GPC6: variants seen among roughly 807,000 people sequenced by gnomAD.
GPC6 encodes the protein glypican-6.
Under a neutral mutation model 55.2 loss-of-function variants are expected in GPC6, and 14 were observed. The observed-to-expected ratio is 0.25, with a 90% CI of 0.17 to 0.40. The LOEUF is 0.40. Ranked by LOEUF, GPC6 falls within the 10% of genes least tolerant of loss-of-function variation. GPC6 has a pLI of 1.00. For synonymous variants in GPC6, 278 were observed against 259.6 expected, an observed-to-expected ratio of 1.07 and a Z score of -0.68; for missense variants, 641 against 708.5, an observed-to-expected ratio of 0.90 and a Z score of 1.08.
chr13:93,306,749 C>T (rs906422528), intron 1 of GPC6, among the ~76,000 whole-genome samples: 2 of 152,206 alleles, frequency 1.3e-5, no homozygotes, highest in South Asian at 2.1e-4. Flanking sequence ...CTCATCTAGA[C>T]ATTTAGTCTA....
At chr13:94,075,638 G>T (rs547344061) in intron 4 of GPC6, among the ~76,000 whole-genome samples, 1 of 152,016 alleles carries the variant, frequency 6.6e-6, no homozygotes, top group Non-Finnish European at 1.5e-5. Flanking sequence ...CTTGGCAACC[G>T]CCATTCATTC....
At chr13:93,516,220 G>A (rs1368917315) in intron 1 of GPC6, among the ~76,000 whole-genome samples, 2 of 152,126 alleles carry the variant, frequency 1.3e-5, no homozygotes, top group Non-Finnish European at 2.9e-5. Context: ...AATCTTCACA[G>A]CACCGATGTT....
intron 4 of GPC6, among the ~76,000 whole-genome samples, chr13:94,220,699 G>T (rs1471349963): frequency 6.6e-6 from 1 of 152,092 alleles, no homozygotes; most frequent in Non-Finnish European, 1.5e-5. Flanking sequence ...CTCTTCTAGT[G>T]ATTGGTAGTT....
chr13:94,212,677 G>A (rs1267825127), intron 4 of GPC6, among the ~76,000 whole-genome samples: 2 of 152,192 alleles, frequency 1.3e-5, no homozygotes, highest in Non-Finnish European at 2.9e-5. Flanking sequence ...TCTTCAAGGT[G>A]TTTAAATAGC....
chr13:93,874,024 T>C (rs1477464951), intron 3 of GPC6, among the ~76,000 whole-genome samples: 2 of 151,980 alleles, frequency 1.3e-5, no homozygotes, highest in African/African-American at 4.8e-5. Context: ...TTTCTTACAC[T>C]TGGCAATGCA....
At chr13:93,633,635 CAAATAAATAAAT>C (rs10656000) in intron 2 of GPC6, among the ~76,000 whole-genome samples, 2,521 of 147,148 alleles carry the variant, frequency 0.017, 62 homozygotes, top group African/African-American at 0.058. Flanking sequence ...GACTCTGTCT[CAAATAAATAAAT>C]AAATAAATAA....
chr13:93,545,029 C>T (rs958808812), intron 1 of GPC6, among the ~76,000 whole-genome samples: 1 of 152,074 alleles, frequency 6.6e-6, no homozygotes, highest in Non-Finnish European at 1.5e-5. Context: ...TTTTAATGCA[C>T]CTTCACTTAT....
chr13:93,767,028 G>T (rs539852786), intron 2 of GPC6, among the ~76,000 whole-genome samples: 1 of 151,936 alleles, frequency 6.6e-6, no homozygotes, highest in African/African-American at 2.4e-5. Context: ...CTTCTGCAGT[G>T]CTTTAAGCTA....
intron 2 of GPC6, among the ~76,000 whole-genome samples, chr13:93,729,875 A>G (rs575381959): frequency 2.6e-5 from 4 of 152,216 alleles, no homozygotes; most frequent in Non-Finnish European, 5.9e-5. Context: ...AAGAAGAGAA[A>G]AAAATGGATA....
rs116857040 is a variant in GPC6, at chr13:94,010,205, C to T, written c.712-17524C>T. ...GAAAAAATGTTGAAAAAGTAAATGC[C>T]AATAAAAATTAGAAAGTCCTCATAA... On this transcript the variant is annotated intron_variant, in intron 3 of 8. Coordinates refer to ENST00000377047, the MANE Select transcript of GPC6 (RefSeq NM_005708.5). Among the ~76,000 whole-genome samples the T allele has an allele frequency of 8.6e-3, 1,306 of 152,104 alleles. 15 individuals are homozygous for T. Among genetic ancestry groups the T allele is most frequent in the Admixed American group, 0.013 (196 of 15,258 alleles).
chr13:93,912,714 G>A (rs565249567), intron 3 of GPC6, among the ~76,000 whole-genome samples: 1 of 152,292 alleles, frequency 6.6e-6, no homozygotes, highest in East Asian at 1.9e-4. Flanking sequence ...CTGCACTCCA[G>A]CCTGGGCGAC....
intron 3 of GPC6, among the ~76,000 whole-genome samples, chr13:93,884,696 G>A (rs554356218): frequency 1.3e-5 from 2 of 151,976 alleles, no homozygotes; most frequent in Admixed American, 1.3e-4. Flanking sequence ...GCTGGATTTT[G>A]GAAGATATTT....
rs76514606 is a variant in GPC6, at chr13:94,164,521, T to G, written c.878-121828T>G. ...TCTCTGGATAGAAGACTTTCCACAA[T>G]GTGAAAGTGTAACAAGCAGTAAAGA... On this transcript the variant is annotated intron_variant, in intron 4 of 8. Transcript: ENST00000377047. Among the ~76,000 whole-genome samples, 647 of 152,304 alleles carry G rather than the reference T, an allele frequency of 4.2e-3. 7 individuals are homozygous for G. The highest frequency in any genetic ancestry group is 0.014 in the African/African-American group (594 of 41,564).
intron 3 of GPC6, among the ~76,000 whole-genome samples, chr13:93,844,553 C>G (rs1340205623): frequency 1.3e-5 from 2 of 151,350 alleles, no homozygotes; most frequent in Non-Finnish European, 2.9e-5. Context: ...AGCCCTTTTT[C>G]AGATGAGTAG....
chr13:93,855,350 G>T (rs913030063), intron 3 of GPC6, among the ~76,000 whole-genome samples: 4 of 151,552 alleles, frequency 2.6e-5, no homozygotes, highest in Admixed American at 6.6e-5. Flanking sequence ...TCTCTTCATG[G>T]CCTGGTAGCT....
intron 4 of GPC6, among the ~76,000 whole-genome samples, chr13:94,067,663 A>G (rs1406149497): frequency 6.6e-6 from 1 of 152,198 alleles, no homozygotes; most frequent in African/African-American, 2.4e-5. Flanking sequence ...GGGAGAAAAG[A>G]GATATTTGTG....
chr13:93,735,925 G>T (rs1168525207), intron 2 of GPC6, among the ~76,000 whole-genome samples: 1 of 152,180 alleles, frequency 6.6e-6, no homozygotes, highest in Non-Finnish European at 1.5e-5. Context: ...TTGCCCAAGG[G>T]TCTTGTTCCT....
intron 2 of GPC6, among the ~76,000 whole-genome samples, chr13:93,766,978 A>T (rs1271715807): frequency 6.7e-6 from 1 of 148,624 alleles, no homozygotes; most frequent in Non-Finnish European, 1.5e-5. Context: ...AATGCACTTA[A>T]TTTTTTTTTT....
chr13:93,840,586 C>CTT (rs1226485373), intron 3 of GPC6, among the ~76,000 whole-genome samples: 1 of 152,130 alleles, frequency 6.6e-6, no homozygotes, highest in Non-Finnish European at 1.5e-5. Context: ...CTGTGTTCAG[C>CTT]TCCTCTTTAC....
Sources: gnomAD v4.1 joint callset for allele counts (sites outside exome capture counted in the v4.1 genomes callset) on GRCh38, gnomAD v4.1.1 for gene constraint, MANE v1.5 for transcripts, NCBI Gene and HGNC (gene_info 2026-07-23, HGNC 2026-07-21) for gene names.